The following CD200 variants were observed in gnomAD, a reference collection of about 807,000 sequenced individuals.
The protein encoded by CD200 is OX-2 membrane glycoprotein.
In CD200, 15 loss-of-function variants were observed where a neutral mutation model predicts 30.9. The observed-to-expected ratio is 0.49, with a 90% CI of 0.32 to 0.75. CD200 has a LOEUF of 0.75. Among genes scored for constraint, CD200 ranks in the 30% least tolerant of loss-of-function variants. CD200 has a pLI of 0.03. For synonymous variants in CD200, 134 were observed against 126.2 expected, an observed-to-expected ratio of 1.06 and a Z score of -0.41; for missense variants, 262 against 324.2, an observed-to-expected ratio of 0.81 and a Z score of 1.47.
At chr3:112,341,638 A>G (rs1041933687) in intron 2 of CD200, among the ~76,000 whole-genome samples, 1 of 152,218 alleles carries the variant, frequency 6.6e-6, no homozygotes, top group African/African-American at 2.4e-5. Flanking sequence ...TCTGGTCCAC[A>G]ACATTCATCA....
chr3:112,343,149 G>C (rs1273562470), intron 2 of CD200, among the ~76,000 whole-genome samples: 1 of 151,880 alleles, frequency 6.6e-6, no homozygotes, highest in South Asian at 2.1e-4. Flanking sequence ...CATAGTATGA[G>C]TTGCTAATAT....
chr3:112,333,492 G>A (rs2081043694), intron 1 of CD200: 1 of 985,324 alleles, frequency 1.0e-6, no homozygotes, highest in Non-Finnish European at 1.2e-6. Flanking sequence ...GATGCACCAG[G>A]CCGGGGCTCC....
chr3:112,339,561 A>G (rs1410605115), intron 1 of CD200, among the ~76,000 whole-genome samples: 1 of 152,244 alleles, frequency 6.6e-6, no homozygotes, highest in Non-Finnish European at 1.5e-5. Context: ...TAGAAAATAG[A>G]ACCTGCAAGT....
chr3:112,356,455 CAT>C (rs1270955618), intron 5 of CD200, among the ~76,000 whole-genome samples: 1 of 152,152 alleles, frequency 6.6e-6, no homozygotes. Flanking sequence ...AGCTACTTAA[CAT>C]GTGCATTGCC....
chr3:112,333,072 C>G, upstream of CD200: 2 of 1,276,934 alleles, frequency 1.6e-6, no homozygotes, highest in African/African-American at 1.5e-5. Flanking sequence ...GTGGGGAAAA[C>G]GGAGTGGGAG....
chr3:112,338,394 GT>G (rs922275460), intron 1 of CD200, among the ~76,000 whole-genome samples: 1 of 151,974 alleles, frequency 6.6e-6, no homozygotes. Flanking sequence ...ATTCCTTCAT[GT>G]TTTTTTTATT....
Position 112,358,530 on chromosome 3 carries a change from AT to A in CD200, c.803-3005del, listed in dbSNP as rs1047138980. Among the ~76,000 whole-genome samples, 6 of 152,162 alleles carry A rather than the reference AT, an allele frequency of 3.9e-5. No individual in the cohort carries two copies. In the South Asian group the frequency reaches 1.2e-3, roughly 32 times the overall value. On this transcript the variant is annotated intron_variant, in intron 5 of 5. Transcript: ENST00000315711. ...AGAAGAGAAACTGTTTTGCTTAGAC[AT>A]TTTTTTTGTAGGAGTATGGGAAGAA... is the stretch of plus-strand genomic sequence containing the variant.
intron 5 of CD200, among the ~76,000 whole-genome samples, chr3:112,356,987 C>A (rs2081634814): frequency 6.6e-6 from 1 of 152,146 alleles, no homozygotes; most frequent in African/African-American, 2.4e-5. Flanking sequence ...AATGGCCGGG[C>A]GCGGTGGCTC....
rs148652591 is a variant in CD200 at position 112,352,500 on chromosome 3, T to C, written c.802+2681T>C. 2.8e-3 allele frequency among the ~76,000 whole-genome samples: 420 copies of C among 151,710 alleles called. 1 individual carries two copies. The highest frequency in any genetic ancestry group is 4.5e-3 in the Non-Finnish European group (308 of 67,932). On this transcript the variant is annotated intron_variant, in intron 5 of 5. Coordinates refer to ENST00000315711, the MANE Select transcript of CD200 (RefSeq NM_005944.7). ...GTTTTGAACTTGGTGACCTCAAAAATGGTGATGTGAACAGAAACACTAAAG... is the reference window on the plus strand; with the variant it reads ...GTTTTGAACTTGGTGACCTCAAAAACGGTGATGTGAACAGAAACACTAAAG...
chr3:112,359,903 G>A (rs2081704284), intron 5 of CD200, among the ~76,000 whole-genome samples: 1 of 150,268 alleles, frequency 6.7e-6, no homozygotes, highest in Non-Finnish European at 1.5e-5. Context: ...TTTTGTTAGG[G>A]AAGGCTTCGC....
chr3:112,350,632 T>C (rs1030239144), intron 5 of CD200, among the ~76,000 whole-genome samples: 15 of 152,226 alleles, frequency 9.9e-5, no homozygotes, highest in Admixed American at 8.5e-4. Context: ...CTGCAGTTTA[T>C]GTTTTGTGTA....
intron 5 of CD200, among the ~76,000 whole-genome samples, chr3:112,359,325 T>C (rs778028829): frequency 1.3e-5 from 2 of 152,212 alleles, no homozygotes; most frequent in Non-Finnish European, 2.9e-5. Context: ...ATTTAGATTA[T>C]TATTCTGGAT....
Position 112,342,325 on chromosome 3 carries a change from CTTT to C in CD200, c.94+1343_94+1345del, listed in dbSNP as rs2081265165. 2.3e-4 allele frequency among the ~76,000 whole-genome samples: 6 copies of C among 26,056 alleles called. 1 individual carries two copies. The highest frequency in any genetic ancestry group is 4.0e-4 in the Non-Finnish European group (5 of 12,572). The allele number at this position is 26,056 out of a possible 152,430, so 17.1% of individuals were successfully genotyped here. A position where few individuals can be genotyped will look rare whatever the true frequency, so the allele number is the denominator to read the frequency against. On this transcript the variant is annotated intron_variant, in intron 2 of 5. Coordinates refer to ENST00000315711, the MANE Select transcript of CD200 (RefSeq NM_005944.7). ...TCCTTCCTTTCTTCTTTCTTTCTTT[CTTT>C]CTTTCTTTCCTTCTTTCTTTCTTTC...
intron 5 of CD200, among the ~76,000 whole-genome samples, chr3:112,360,326 T>TAAAAATAATAAA (rs1553721422): frequency 2.5e-5 from 3 of 119,162 alleles, no homozygotes; most frequent in African/African-American, 1.1e-4. Context: ...AGACTTCATC[T>TAAAAATAATAAA]AAAAAAAATA....
chr3:112,358,450 G>A (rs112495510), intron 5 of CD200, among the ~76,000 whole-genome samples: 1 of 151,824 alleles, frequency 6.6e-6, no homozygotes, highest in Non-Finnish European at 1.5e-5. Flanking sequence ...ATGCCTAGAT[G>A]AACTTGTGAT....
At chr3:112,357,232 G>GC (rs2081641823) in intron 5 of CD200, among the ~76,000 whole-genome samples, 1 of 144,518 alleles carries the variant, frequency 6.9e-6, no homozygotes, top group African/African-American at 2.6e-5. Context: ...CTGCACTCCA[G>GC]CCTGGGGGAC....
At chr3:112,353,796 G>C (rs1257735552) in intron 5 of CD200, among the ~76,000 whole-genome samples, 1 of 152,130 alleles carries the variant, frequency 6.6e-6, no homozygotes, top group Non-Finnish European at 1.5e-5. Flanking sequence ...TATGAAATAA[G>C]AACCTTTGCT....
chr3:112,347,715 G>T lies in CD200; in HGVS notation c.579G>T (p.Thr193=). ...TVTLSHPNGT[T]SVTSILHIKD... Reference sequence around the variant, plus strand: ...CTCTGTCTCACCCAAATGGGACCACGTCTGTTACCAGCATCCTCCATATCA... The same window carrying T: ...CTCTGTCTCACCCAAATGGGACCACTTCTGTTACCAGCATCCTCCATATCA... The change falls in exon 4 of 6, where the codon ACG becomes ACT. Residue 193 remains threonine (T), a synonymous_variant. Transcript: ENST00000315711. The T allele has an allele frequency of 3.7e-6, 6 of 1,613,708 alleles. No individual in the cohort carries two copies. The highest frequency in any genetic ancestry group is 5.1e-6 in the Non-Finnish European group (6 of 1,179,884).
At chr3:112,343,724 T>TTA (rs1229955660) in intron 2 of CD200, among the ~76,000 whole-genome samples, 8 of 152,222 alleles carry the variant, frequency 5.3e-5, no homozygotes, top group Non-Finnish European at 1.0e-4. Context: ...TAGTTTTGCT[T>TTA]TATATATTTC....
Sources: gnomAD v4.1 joint callset for allele counts (sites outside exome capture counted in the v4.1 genomes callset) on GRCh38, gnomAD v4.1.1 for gene constraint, MANE v1.5 for transcripts, NCBI Gene and HGNC (gene_info 2026-07-23, HGNC 2026-07-21) for gene names.